The following CCDC148 variants were observed in gnomAD, a reference collection of about 807,000 sequenced individuals.
CCDC148 encodes the protein coiled-coil domain containing 148.
A neutral mutation model predicts 85.7 loss-of-function variants in CCDC148; 89 were observed. The observed-to-expected ratio is 1.04, with a 90% CI of 0.87 to 1.24. CCDC148 has a LOEUF of 1.24. CCDC148 is among the 50% of genes most tolerant of loss of function. The probability of loss-of-function intolerance (pLI) is 0.00; values close to 1 mark genes in which losing one functional copy is unlikely to be tolerated. For synonymous variants in CCDC148, 230 were observed against 213.9 expected, an observed-to-expected ratio of 1.08 and a Z score of -0.66; for missense variants, 692 against 671.7, an observed-to-expected ratio of 1.03 and a Z score of -0.33.
chr2:158,276,948 T>C (rs1394711361), intron 9 of CCDC148, among the ~76,000 whole-genome samples: 8 of 152,248 alleles, frequency 5.3e-5, no homozygotes, highest in Non-Finnish European at 1.0e-4. Flanking sequence ...GCCCAGCTAA[T>C]ACTAGAAATT....
At chr2:158,267,308 G>A (rs762405910) in intron 9 of CCDC148, among the ~76,000 whole-genome samples, 20 of 152,070 alleles carry the variant, frequency 1.3e-4, no homozygotes, top group Admixed American at 1.3e-3. Flanking sequence ...ATAGGAAAAT[G>A]TTATTTGCTT....
intron 9 of CCDC148, among the ~76,000 whole-genome samples, chr2:158,266,289 C>G (rs1028452374): frequency 1.3e-5 from 2 of 152,078 alleles, no homozygotes; most frequent in East Asian, 1.9e-4. Context: ...GGCACATGCT[C>G]CGTCTCAAGG....
rs1453920081 is a variant in CCDC148 at position 158,385,801 on chromosome 2, C to A, written c.26-27231G>T. Among the ~76,000 whole-genome samples, 3 of 152,090 alleles carry A rather than the reference C, an allele frequency of 2.0e-5. 1 individual carries two copies. The highest frequency in any genetic ancestry group is 4.4e-5 in the Non-Finnish European group (3 of 68,016). ...GCCTTCTTCCTGGAATGTGAGGTGG[C>A]TTTTGGCAAGATAGGGCCTCTTGAA... On this transcript the variant is annotated intron_variant, in intron 1 of 13. Transcript: ENST00000283233.
intron 1 of CCDC148, among the ~76,000 whole-genome samples, chr2:158,389,219 C>A (rs954177138): frequency 6.6e-6 from 1 of 152,126 alleles, no homozygotes; most frequent in South Asian, 2.1e-4. Flanking sequence ...ATGAGAAACA[C>A]GTTTGTATAA....
intron 10 of CCDC148, among the ~76,000 whole-genome samples, chr2:158,225,290 C>A (rs1687444349): frequency 6.6e-6 from 1 of 152,124 alleles, no homozygotes; most frequent in African/African-American, 2.4e-5. Context: ...AACAGGAGCA[C>A]CCAGATTCAT....
intron 10 of CCDC148, among the ~76,000 whole-genome samples, chr2:158,228,822 G>A (rs113179014): frequency 0.08 from 10,684 of 133,656 alleles, 557 homozygotes; most frequent in East Asian, 0.18. Flanking sequence ...GTTGGGGGGA[G>A]GGGGGAGGGA....
At chr2:158,202,537 G>A (rs909590275) in intron 11 of CCDC148, among the ~76,000 whole-genome samples, 1 of 152,150 alleles carries the variant, frequency 6.6e-6, no homozygotes, top group Admixed American at 6.5e-5. Flanking sequence ...TAGACCTGGG[G>A]TCAGTACACA....
At chr2:158,350,128 T>C (rs965035365) in intron 2 of CCDC148, among the ~76,000 whole-genome samples, 1 of 152,128 alleles carries the variant, frequency 6.6e-6, no homozygotes, top group Admixed American at 6.5e-5. Flanking sequence ...ACCGCACAAA[T>C]ATGTAAATAC....
At chr2:158,353,920 A>C (rs1683472693) in intron 2 of CCDC148, among the ~76,000 whole-genome samples, 1 of 152,208 alleles carries the variant, frequency 6.6e-6, no homozygotes, top group African/African-American at 2.4e-5. Context: ...AGGATTAAGA[A>C]TCTCACTCAA....
chr2:158,340,056 G>C (rs993322373), intron 5 of CCDC148, among the ~76,000 whole-genome samples, 186 bp downstream of exon 5: 1 of 152,126 alleles, frequency 6.6e-6, no homozygotes, highest in East Asian at 1.9e-4. Flanking sequence ...GAGGGTGCTC[G>C]ACAGAGTTCA....
rs1357149354 is a variant in CCDC148 at position 158,338,779 on chromosome 2, C to T, written c.711G>A (p.Gln237=). 6.2e-7 allele frequency: 1 copy of T among 1,610,238 alleles called. No homozygotes were observed. Among genetic ancestry groups the T allele is most frequent in the Middle Eastern group, 1.7e-4 (1 of 6,050 alleles). ...SILSEFYKFT[Q]KYQKKLQDFN... is the part of the protein sequence containing the mutation. Reference sequence around the variant, plus strand: ...AGTCTTGAAGCTTCTTCTGATATTTCTGTGTAAACTTATAGAACTCACTGA... The same window carrying T: ...AGTCTTGAAGCTTCTTCTGATATTTTTGTGTAAACTTATAGAACTCACTGA... Residue 237 remains glutamine (Q), a synonymous_variant, in exon 7 of 14, where the codon CAG becomes CAA. Coordinates refer to ENST00000283233, the MANE Select transcript of CCDC148 (RefSeq NM_138803.4).
At chr2:158,307,376 T>C (rs186013934) in intron 9 of CCDC148, among the ~76,000 whole-genome samples, 549 of 152,322 alleles carry the variant, frequency 3.6e-3, no homozygotes, top group Non-Finnish European at 5.4e-3. Flanking sequence ...GAGGTACCAC[T>C]ACTCAGTCAC....
rs1230987849 is a variant in CCDC148, at chr2:158,313,926, T to C, written c.765-32A>G. The C allele has an allele frequency of 5.0e-6, 8 of 1,593,284 alleles. No individual in the cohort carries two copies. The South Asian group carries it at 6.8e-5, about 14-fold the overall frequency. On this transcript the variant is annotated intron_variant, in intron 7 of 13. Coordinates refer to ENST00000283233, the MANE Select transcript of CCDC148 (RefSeq NM_138803.4). ...GCAACAAAAATGTCACAACATATTA[T>C]TGAGCAATCATGAAATTTGAGGGAC...
chr2:158,445,066 C>G (rs1252035819), intron 1 of CCDC148, among the ~76,000 whole-genome samples: 1 of 151,816 alleles, frequency 6.6e-6, no homozygotes, highest in Non-Finnish European at 1.5e-5. Flanking sequence ...ACAGTTCACA[C>G]TTTTTTTAAG....
Position 158,437,472 on chromosome 2 carries a change from A to G in CCDC148, c.25+18943T>C, listed in dbSNP as rs1414123234. On this transcript the variant is annotated intron_variant, in intron 1 of 13. Transcript: ENST00000283233. ...TTAATAAATTAGGTATTGATGGGAC[A>G]TATCTCAAAATAATAAGAACTATCT... Among the ~76,000 whole-genome samples the G allele has an allele frequency of 2.6e-5, 4 of 152,178 alleles. No homozygotes were observed. In the East Asian group the frequency reaches 7.7e-4, roughly 29 times the overall value.
At chr2:158,293,198 G>T (rs1012913979) in intron 9 of CCDC148, among the ~76,000 whole-genome samples, 3 of 152,096 alleles carry the variant, frequency 2.0e-5, no homozygotes, top group Non-Finnish European at 4.4e-5. Context: ...TATGGGAGAT[G>T]AGCACTAGGA....
At chr2:158,280,707 A>C (rs1690241315) in intron 9 of CCDC148, among the ~76,000 whole-genome samples, 1 of 152,200 alleles carries the variant, frequency 6.6e-6, no homozygotes, top group Non-Finnish European at 1.5e-5. Context: ...TGTCAACATT[A>C]GACAGATCAA....
At chr2:158,407,695 G>A (rs1035799355) in intron 1 of CCDC148, among the ~76,000 whole-genome samples, 4 of 152,198 alleles carry the variant, frequency 2.6e-5, no homozygotes, top group Non-Finnish European at 5.9e-5. Context: ...GTGGGTCCCA[G>A]CTGAAGAATA....
At chr2:158,437,193 A>C (rs1687699516) in intron 1 of CCDC148, among the ~76,000 whole-genome samples, 1 of 152,210 alleles carries the variant, frequency 6.6e-6, no homozygotes, top group Non-Finnish European at 1.5e-5. Context: ...ATTTTAGACC[A>C]ATATCCCTGA....
Sources: gnomAD v4.1 joint callset for allele counts (sites outside exome capture counted in the v4.1 genomes callset) on GRCh38, gnomAD v4.1.1 for gene constraint, MANE v1.5 for transcripts, NCBI Gene and HGNC (gene_info 2026-07-23, HGNC 2026-07-21) for gene names.